Variants in MAGI2 observed in about 807,000 individuals in gnomAD.
The protein encoded by MAGI2 is membrane-associated guanylate kinase, WW and PDZ domain-containing protein 2.
A neutral mutation model predicts 133.3 loss-of-function variants in MAGI2; 35 were observed. The observed-to-expected ratio is 0.26, with a 90% CI of 0.20 to 0.35. The LOEUF is 0.35. Among genes scored for constraint, MAGI2 ranks in the 10% least tolerant of loss-of-function variants. The pLI, the probability that MAGI2 is intolerant of heterozygous loss-of-function variation, is 1.00. For synonymous variants in MAGI2, 729 were observed against 710.6 expected (o/e 1.03, Z -0.41); for missense variants, 1,636 against 1,863.4 (o/e 0.88, Z 2.25).
At chr7:79,252,640 T>C (rs933114671) in intron 1 of MAGI2, among the ~76,000 whole-genome samples, 8 of 152,210 alleles carry the variant, frequency 5.3e-5, no homozygotes, top group African/African-American at 1.7e-4. Context: ...TGAATAAATG[T>C]TTGAGGTGTT....
At chr7:78,144,843 G>C (rs988612139) in intron 16 of MAGI2, among the ~76,000 whole-genome samples, 3 of 152,114 alleles carry the variant, frequency 2.0e-5, no homozygotes, top group Admixed American at 2.0e-4. Context: ...ATGGTGGTTT[G>C]CTGCACTTAT....
At chr7:79,264,375 T>C (rs1834295947) in intron 1 of MAGI2, among the ~76,000 whole-genome samples, 1 of 152,210 alleles carries the variant, frequency 6.6e-6, no homozygotes, top group Admixed American at 6.5e-5. Flanking sequence ...GGTAGGAAAT[T>C]AGTTCCTGTG....
At chr7:78,390,669 A>G (rs1795820447) in intron 6 of MAGI2, among the ~76,000 whole-genome samples, 1 of 152,028 alleles carries the variant, frequency 6.6e-6, no homozygotes, top group African/African-American at 2.4e-5. Flanking sequence ...GCTACTCTAT[A>G]TTAAGAAAAA....
At chr7:78,638,875 C>G (rs1432046154) in intron 2 of MAGI2, among the ~76,000 whole-genome samples, 1 of 152,016 alleles carries the variant, frequency 6.6e-6, no homozygotes, top group Non-Finnish European at 1.5e-5. Context: ...GCTTTTGATT[C>G]CCTAATTTAT....
Position 78,627,248 on chromosome 7 carries a change from A to G in MAGI2, c.419-9T>C. On this transcript the variant is annotated splice_polypyrimidine_tract_variant and intron_variant, in intron 2 of 21. Coordinates refer to ENST00000354212, the MANE Select transcript of MAGI2 (RefSeq NM_012301.4). ...ATGTGGCCTTGTGGTGCCTGAATAA[A>G]GAAAAGTAAAAACAAAAGAAAGACG... 1 of 1,527,788 alleles carries G rather than the reference A, an allele frequency of 6.5e-7. No homozygotes were observed. Among genetic ancestry groups the G allele is most frequent in the Non-Finnish European group, 8.8e-7 (1 of 1,142,460 alleles). 94.6% of individuals were successfully genotyped at this position (1,527,788 alleles called of 1,614,324 possible). A position where few individuals can be genotyped will look rare whatever the true frequency, so the allele number is the denominator to read the frequency against.
chr7:78,556,580 T>C (rs1474277965), intron 3 of MAGI2, among the ~76,000 whole-genome samples: 2 of 152,168 alleles, frequency 1.3e-5, no homozygotes, highest in African/African-American at 4.8e-5. Flanking sequence ...TGTGAAGCAA[T>C]ACCCTCTCTA....
chr7:79,066,313 G>A lies in MAGI2; in HGVS notation c.302-59107C>T, dbSNP rs1300310084. Reference sequence around the variant, plus strand: ...TTTTTTTTTTTTGCATTTCTTTAATGACCAGTGATGATGAACATTTTTTCA... The same window carrying A: ...TTTTTTTTTTTTGCATTTCTTTAATAACCAGTGATGATGAACATTTTTTCA... On this transcript the variant is annotated intron_variant, in intron 1 of 21. Coordinates refer to ENST00000354212, the MANE Select transcript of MAGI2 (RefSeq NM_012301.4). Among the ~76,000 whole-genome samples, 3 of 143,910 alleles carry A rather than the reference G, an allele frequency of 2.1e-5. No individual in the cohort carries two copies. The South Asian group carries it at 6.7e-4, about 32-fold the overall frequency. 94.4% of individuals were successfully genotyped at this position (143,910 alleles called of 152,430 possible).
At chr7:79,181,103 G>A (rs920546843) in intron 1 of MAGI2, among the ~76,000 whole-genome samples, 9 of 151,688 alleles carry the variant, frequency 5.9e-5, no homozygotes, top group African/African-American at 1.5e-4. Context: ...CCAGGCACAC[G>A]GTGTAAGCTG....
Position 79,428,265 on chromosome 7 carries a change from T to G in MAGI2, c.301+24755A>C, listed in dbSNP as rs575368191. On this transcript the variant is annotated intron_variant, in intron 1 of 21. Transcript: ENST00000354212. ...AACATATAAGACTGTGTAAATCTAT[T>G]AACAACAAGCAGAGAAGTATTGCTT... 2.6e-5 allele frequency among the ~76,000 whole-genome samples: 4 copies of G among 152,262 alleles called. No individual in the cohort carries two copies. The South Asian group carries it at 6.2e-4, about 24-fold the overall frequency.
In MAGI2 at chr7:78,972,443, C is replaced by T. The variant is rs192519685; in HGVS notation, c.418+34647G>A. 1.3e-4 allele frequency among the ~76,000 whole-genome samples: 19 copies of T among 151,894 alleles called. No homozygotes were observed. The East Asian group carries it at 3.5e-3, about 28-fold the overall frequency. ...TTATTTTTAGAAAAAATTGATGGCA[C>T]TTTCTGGTATGTTCTAATTGTGAAA... On this transcript the variant is annotated intron_variant, in intron 2 of 21. Coordinates refer to ENST00000354212, the MANE Select transcript of MAGI2 (RefSeq NM_012301.4).
At chr7:79,389,577 C>G (rs1035966741) in intron 1 of MAGI2, among the ~76,000 whole-genome samples, 2 of 152,044 alleles carry the variant, frequency 1.3e-5, no homozygotes, top group Non-Finnish European at 2.9e-5. Flanking sequence ...TTAAAAGTTA[C>G]ATGTATCAGA....
At chr7:79,010,775 GA>G (rs1363901167) in intron 1 of MAGI2, among the ~76,000 whole-genome samples, 4 of 152,004 alleles carry the variant, frequency 2.6e-5, no homozygotes, top group Middle Eastern at 3.4e-3. Context: ...TTAGTTATGT[GA>G]AAAAAATTTT....
At chr7:78,882,820 G>C (rs906327706) in intron 2 of MAGI2, among the ~76,000 whole-genome samples, 1 of 151,910 alleles carries the variant, frequency 6.6e-6, no homozygotes, top group Admixed American at 6.6e-5. Context: ...CTTCATGATA[G>C]ACACCCTCAA....
chr7:79,084,886 T>G (rs917226868), intron 1 of MAGI2, among the ~76,000 whole-genome samples: 19 of 151,822 alleles, frequency 1.3e-4, no homozygotes, highest in Non-Finnish European at 2.4e-4. Flanking sequence ...ACACTAAACA[T>G]TTCTTCTCAT....
chr7:79,329,069 G>C (rs1349699051), intron 1 of MAGI2, among the ~76,000 whole-genome samples: 2 of 152,220 alleles, frequency 1.3e-5, no homozygotes, highest in African/African-American at 4.8e-5. Flanking sequence ...CTGGTGATAA[G>C]ATTTCAGAAC....
intron 1 of MAGI2, among the ~76,000 whole-genome samples, chr7:79,035,471 C>T (rs1278190034): frequency 6.6e-6 from 1 of 152,102 alleles, no homozygotes; most frequent in Non-Finnish European, 1.5e-5. Flanking sequence ...CAACACTACC[C>T]TGTTAGCAAA....
chr7:78,694,760 C>T (rs1051116717), intron 2 of MAGI2, among the ~76,000 whole-genome samples: 1 of 152,196 alleles, frequency 6.6e-6, no homozygotes, highest in Non-Finnish European at 1.5e-5. Flanking sequence ...ATACCGCTTT[C>T]TCCGTATGTT....
intron 6 of MAGI2, among the ~76,000 whole-genome samples, chr7:78,418,973 C>T (rs1004530669): frequency 6.6e-6 from 1 of 152,016 alleles, no homozygotes; most frequent in Non-Finnish European, 1.5e-5. Flanking sequence ...CAAGAAATTG[C>T]CCCTGCCAAA....
chr7:79,038,461 T>G (rs1441645101), intron 1 of MAGI2, among the ~76,000 whole-genome samples: 2 of 152,198 alleles, frequency 1.3e-5, no homozygotes, highest in African/African-American at 4.8e-5. Flanking sequence ...CCTCTTTCAG[T>G]TCACTTTTGA....
Sources: gnomAD v4.1 joint callset for allele counts (sites outside exome capture counted in the v4.1 genomes callset) on GRCh38, gnomAD v4.1.1 for gene constraint, MANE v1.5 for transcripts, NCBI Gene and HGNC (gene_info 2026-07-23, HGNC 2026-07-21) for gene names.